Variants in CXCL13 observed in about 807,000 individuals in gnomAD.
CXCL13 encodes C-X-C motif chemokine ligand 13.
CXCL13 carries 7 observed loss-of-function variants against 12.2 expected under a neutral mutation model. That is an observed-to-expected ratio of 0.57 (90% CI 0.33 to 1.07). The LOEUF (loss-of-function observed/expected upper bound fraction) is 1.07, where lower values mean the gene tolerates loss of function less well. Among genes scored for constraint, CXCL13 ranks in the 50% least tolerant of loss-of-function variants. CXCL13 has a pLI of 0.04. For missense variants in CXCL13, 113 were observed against 127.4 expected, an observed-to-expected ratio of 0.89 and a Z score of 0.55; for synonymous variants, 47 against 42.4, an observed-to-expected ratio of 1.11 and a Z score of -0.42.
At chr4:77,515,196 T>C (rs578049751) in intron 1 of CXCL13, among the ~76,000 whole-genome samples, 44 of 152,340 alleles carry the variant, frequency 2.9e-4, no homozygotes, top group Non-Finnish European at 5.9e-4. Context: ...GCCATGCTGT[T>C]TTGGTTACTG....
At chr4:77,558,271 CACCTGTT>C (rs1321647087) in intron 1 of CXCL13, among the ~76,000 whole-genome samples, 1 of 152,230 alleles carries the variant, frequency 6.6e-6, no homozygotes, top group Non-Finnish European at 1.5e-5. Context: ...CTGAGATGGG[CACCTGTT>C]ATCTTGAAAA....
At chr4:77,517,078 C>G (rs1419070064) in intron 1 of CXCL13, among the ~76,000 whole-genome samples, 1 of 152,142 alleles carries the variant, frequency 6.6e-6, no homozygotes, top group African/African-American at 2.4e-5. Flanking sequence ...AGTAGTCATT[C>G]AGGAGCAGGT....
chr4:77,519,625 G>A (rs1353983725), intron 1 of CXCL13, among the ~76,000 whole-genome samples: 1 of 152,172 alleles, frequency 6.6e-6, no homozygotes, highest in Non-Finnish European at 1.5e-5. Flanking sequence ...CCCTTTGTCA[G>A]ATGGGTCAAT....
At chr4:77,604,082 C>T (rs569048691), upstream of CXCL13, among the ~76,000 whole-genome samples, 10 of 152,272 alleles carry the variant, frequency 6.6e-5, no homozygotes, top group South Asian at 2.1e-4. Flanking sequence ...TGCTGGCCAG[C>T]GGCAAGGAGT....
chr4:77,516,565 T>C (rs945485322), intron 1 of CXCL13, among the ~76,000 whole-genome samples: 2 of 152,334 alleles, frequency 1.3e-5, no homozygotes, highest in African/African-American at 4.8e-5. Flanking sequence ...AATTTATCCA[T>C]TTCTTCTAGA....
intron 1 of CXCL13, among the ~76,000 whole-genome samples, chr4:77,540,310 C>T (rs888463484): frequency 6.6e-6 from 1 of 152,002 alleles, no homozygotes; most frequent in Non-Finnish European, 1.5e-5. Flanking sequence ...AGGTTTGTTA[C>T]CCTGGTATAT....
intron 1 of CXCL13, among the ~76,000 whole-genome samples, chr4:77,560,125 A>G (rs1725771164): frequency 6.6e-6 from 1 of 152,198 alleles, no homozygotes; most frequent in South Asian, 2.1e-4. Flanking sequence ...TCAAACATTT[A>G]CTATGAGCCA....
At chr4:77,558,890 C>A (rs1725728034) in intron 1 of CXCL13, among the ~76,000 whole-genome samples, 1 of 152,216 alleles carries the variant, frequency 6.6e-6, no homozygotes, top group African/African-American at 2.4e-5. Context: ...ACAAGAGCTT[C>A]TTCTTATGCT....
intron 1 of CXCL13, among the ~76,000 whole-genome samples, chr4:77,528,361 C>T (rs1417899924): frequency 1.3e-5 from 2 of 152,300 alleles, no homozygotes; most frequent in African/African-American, 4.8e-5. Flanking sequence ...ACACTGACTT[C>T]CACAATGGTT....
intron 1 of CXCL13, among the ~76,000 whole-genome samples, chr4:77,548,278 A>G (rs1283792139): frequency 2.0e-5 from 3 of 152,302 alleles, no homozygotes; most frequent in South Asian, 2.1e-4. Context: ...CGGCCTAAAC[A>G]GTATTTAGTC....
intron 1 of CXCL13, among the ~76,000 whole-genome samples, chr4:77,584,167 G>C (rs1294742942): frequency 3.3e-5 from 5 of 152,170 alleles, no homozygotes; most frequent in Admixed American, 2.6e-4. Flanking sequence ...CCATGGCCTA[G>C]ATAGTCTTTA....
chr4:77,531,172 G>C (rs573919964), intron 1 of CXCL13, among the ~76,000 whole-genome samples: 1 of 149,062 alleles, frequency 6.7e-6, no homozygotes, highest in Non-Finnish European at 1.5e-5. Context: ...TGTGCACAAC[G>C]TGCTGGTTTG....
intron 1 of CXCL13, among the ~76,000 whole-genome samples, chr4:77,571,519 A>T (rs1007201874): frequency 1.3e-5 from 2 of 151,826 alleles, no homozygotes; most frequent in South Asian, 2.1e-4. Flanking sequence ...GACACTCTGT[A>T]TCTAGCTGCT....
At chr4:77,607,313 G>T (rs1315564630) in intron 1 of CXCL13, among the ~76,000 whole-genome samples, 7 of 152,062 alleles carry the variant, frequency 4.6e-5, no homozygotes, top group African/African-American at 7.2e-5. Context: ...AAATTGCTGT[G>T]TTTTTTTGAA....
chr4:77,550,518 C>G (rs1280600357), intron 1 of CXCL13, among the ~76,000 whole-genome samples: 1 of 152,174 alleles, frequency 6.6e-6, no homozygotes, highest in East Asian at 1.9e-4. Context: ...TTTAAACTTA[C>G]TGAGCCTTGT....
chr4:77,527,206 C>T (rs892807327), intron 1 of CXCL13, among the ~76,000 whole-genome samples: 2 of 152,030 alleles, frequency 1.3e-5, no homozygotes, highest in African/African-American at 2.4e-5. Flanking sequence ...CACTGTACAC[C>T]GATTGGAACA....
intron 1 of CXCL13, among the ~76,000 whole-genome samples, chr4:77,577,441 C>T (rs189221076): frequency 5.3e-4 from 80 of 152,014 alleles, no homozygotes; most frequent in African/African-American, 1.7e-3. Context: ...CTGAGGGGTC[C>T]GGAGGCAGAC....
chr4:77,564,463 TG>T (rs1432792135), intron 1 of CXCL13, among the ~76,000 whole-genome samples: 2 of 152,362 alleles, frequency 1.3e-5, no homozygotes, highest in East Asian at 3.9e-4. Flanking sequence ...CTAGCTGTTC[TG>T]CATTAGGCAA....
chr4:77,565,921 A>G (rs1479960277), intron 1 of CXCL13, among the ~76,000 whole-genome samples: 1 of 152,236 alleles, frequency 6.6e-6, no homozygotes, highest in African/African-American at 2.4e-5. Context: ...TAGCTACACA[A>G]AGGTAGCAAT....
Sources: gnomAD v4.1 joint callset for allele counts (sites outside exome capture counted in the v4.1 genomes callset) on GRCh38, gnomAD v4.1.1 for gene constraint, MANE v1.5 for transcripts, NCBI Gene and HGNC (gene_info 2026-07-23, HGNC 2026-07-21) for gene names.